Variants in ARPP21 observed in about 807,000 individuals in gnomAD.
ARPP21 encodes the protein cAMP regulated phosphoprotein 21.
ARPP21 carries 69 observed loss-of-function variants against 113.2 expected under a neutral mutation model. That is an observed-to-expected ratio of 0.61 (90% CI 0.50 to 0.74). The LOEUF is 0.74. Ranked by LOEUF, ARPP21 falls within the 30% of genes least tolerant of loss-of-function variation. ARPP21 has a pLI of 0.00. For synonymous variants in ARPP21, 368 were observed against 375.5 expected, an observed-to-expected ratio of 0.98 and a Z score of 0.23; for missense variants, 1,070 against 1,037.4, an observed-to-expected ratio of 1.03 and a Z score of -0.43.
intron 1 of ARPP21, among the ~76,000 whole-genome samples, chr3:35,662,267 G>A (rs2149166970): frequency 6.6e-6 from 1 of 152,248 alleles, no homozygotes; most frequent in Non-Finnish European, 1.5e-5. Flanking sequence ...TGCAAGATTT[G>A]GAGCAGTGAT....
chr3:35,788,805 A>G (rs1329360171), intron 19 of ARPP21, among the ~76,000 whole-genome samples: 1 of 152,220 alleles, frequency 6.6e-6, no homozygotes, highest in Admixed American at 6.5e-5. Context: ...AATGCCCTCA[A>G]ACTACAAATA....
At chr3:35,707,338 G>A (rs9863584) in intron 10 of ARPP21, 14 of 622,002 alleles carry the variant, frequency 2.3e-5, no homozygotes, top group African/African-American at 3.6e-5. Context: ...CGCAGTTTCC[G>A]CTGCATGTCT....
At position 35,770,641 on chromosome 3, in the gene ARPP21, C is replaced by A. The variant is rs567097755; in HGVS notation, c.2138-21741C>A. 9.2e-5 allele frequency among the ~76,000 whole-genome samples: 14 copies of A among 152,298 alleles called. No homozygotes were observed. The South Asian group carries it at 2.9e-3, about 32-fold the overall frequency. Reference sequence around the variant, plus strand: ...TCATTGGTGGGCAGTGATTTTCCCACCTTGTGTGGATTTCACAATTGCTGA... The same window carrying A: ...TCATTGGTGGGCAGTGATTTTCCCAACTTGTGTGGATTTCACAATTGCTGA... On this transcript the variant is annotated intron_variant, in intron 19 of 20. Coordinates refer to ENST00000684406, the MANE Select transcript of ARPP21 (RefSeq NM_001385562.1).
chr3:35,675,240 T>C (rs2077196183), intron 1 of ARPP21, among the ~76,000 whole-genome samples: 1 of 151,412 alleles, frequency 6.6e-6, no homozygotes, highest in Non-Finnish European at 1.5e-5. Context: ...TAGAATGATG[T>C]TGGAAATGTA....
At chr3:35,664,761 C>T (rs1709448530) in intron 1 of ARPP21, among the ~76,000 whole-genome samples, 1 of 152,130 alleles carries the variant, frequency 6.6e-6, no homozygotes, top group Non-Finnish European at 1.5e-5. Flanking sequence ...CTGGTAAGTG[C>T]CTGGAGGAGG....
chr3:35,682,113 G>T (rs2079085070), intron 3 of ARPP21, among the ~76,000 whole-genome samples: 1 of 151,788 alleles, frequency 6.6e-6, no homozygotes, highest in Non-Finnish European at 1.5e-5. Context: ...TTCTGAATTT[G>T]CACACAGCAT....
At chr3:35,683,554 G>GT (rs1366551057) in intron 4 of ARPP21, among the ~76,000 whole-genome samples, 172 bp from the exon 5 acceptor site, 1 of 151,614 alleles carries the variant, frequency 6.6e-6, no homozygotes, top group East Asian at 2.0e-4. Flanking sequence ...CAATACAGAG[G>GT]TATGATGCTT....
chr3:35,725,196 C>G (rs1559753738), intron 14 of ARPP21, among the ~76,000 whole-genome samples: 1 of 152,112 alleles, frequency 6.6e-6, no homozygotes, highest in Non-Finnish European at 1.5e-5. Flanking sequence ...AGTTAGGCTC[C>G]TATCCTCCCA....
At chr3:35,703,383 C>T (rs759322660) in intron 9 of ARPP21, among the ~76,000 whole-genome samples, 33 of 151,818 alleles carry the variant, frequency 2.2e-4, no homozygotes, top group Non-Finnish European at 3.8e-4. Flanking sequence ...AGTGAAGGAA[C>T]AATGAAGAAT....
chr3:35,682,879 G>T lies in ARPP21; in HGVS notation c.161G>T (p.Arg54Ile), dbSNP rs1328252872. The change falls in exon 4 of 21, where the codon AGA (arginine) becomes ATA (isoleucine). Residue 54 changes from arginine (R) to isoleucine (I), a missense_variant. Coordinates refer to ENST00000684406, the MANE Select transcript of ARPP21 (RefSeq NM_001385562.1). ...RRLEAQNQER[R>I]KSKSGAGKGK... is the part of the protein sequence containing the mutation. The stretch of plus-strand genomic sequence containing the variant: ...CTGGAGGCTCAGAATCAAGAAAGAA[G>T]AAAATCCAAGGTAGGGTTCTTAACA... 1 of 1,608,754 alleles carries T rather than the reference G, an allele frequency of 6.2e-7. No individual in the cohort carries two copies. Among genetic ancestry groups the T allele is most frequent in the African/African-American group, 1.3e-5 (1 of 74,500 alleles).
Position 35,689,413 on chromosome 3 carries a change from T to C in ARPP21, c.485+28T>C, listed in dbSNP as rs760999276. On this transcript the variant is annotated intron_variant, in intron 7 of 20. Coordinates refer to ENST00000684406, the MANE Select transcript of ARPP21 (RefSeq NM_001385562.1). ...AAATTATTAAATGAGCCTCTTATTT[T>C]TAGAAGGATCAAATAGAATATTACA... The C allele has an allele frequency of 5.6e-6, 6 of 1,076,506 alleles. No individual in the cohort carries two copies. In the South Asian group the frequency reaches 7.5e-5, roughly 13 times the overall value. 66.7% of individuals were successfully genotyped at this position (1,076,506 alleles called of 1,614,324 possible).
chr3:35,678,555 C>CA (rs1206112932), intron 1 of ARPP21, among the ~76,000 whole-genome samples: 1 of 151,796 alleles, frequency 6.6e-6, no homozygotes, highest in African/African-American at 2.4e-5. Flanking sequence ...ATATAATTTC[C>CA]AAAAATGGAA....
Position 35,762,124 on chromosome 3 carries a change from T to A in ARPP21, c.2137+18159T>A, listed in dbSNP as rs868600939. ...CTCTCTCTCTCTCTCTCTCTCTCTC[T>A]CTCACACACACACACACACACACAC... On this transcript the variant is annotated intron_variant, in intron 19 of 20. Coordinates refer to ENST00000684406, the MANE Select transcript of ARPP21 (RefSeq NM_001385562.1). Among the ~76,000 whole-genome samples, 471 of 141,218 alleles carry A rather than the reference T, an allele frequency of 3.3e-3. 2 individuals carry two copies. Among genetic ancestry groups the A allele is most frequent in the South Asian group, 6.5e-3 (29 of 4,444 alleles). The allele number at this position is 141,218 out of a possible 152,430, so 92.6% of individuals were successfully genotyped here. A position where few individuals can be genotyped will look rare whatever the true frequency, so the allele number is the denominator to read the frequency against.
chr3:35,673,539 T>C (rs2076833418), intron 1 of ARPP21, among the ~76,000 whole-genome samples: 1 of 152,008 alleles, frequency 6.6e-6, no homozygotes, highest in African/African-American at 2.4e-5. Flanking sequence ...TCATTTATGG[T>C]AGCAAATACA....
At chr3:35,641,374 T>G (rs752469999) in intron 1 of ARPP21, 3 of 152,234 alleles carry the variant, frequency 2.0e-5, no homozygotes, top group African/African-American at 4.8e-5. Flanking sequence ...CTGCTATGAT[T>G]GTTTTAAGTA....
chr3:35,767,008 T>G (rs1001500722), intron 19 of ARPP21, among the ~76,000 whole-genome samples: 7 of 152,174 alleles, frequency 4.6e-5, no homozygotes, highest in African/African-American at 1.7e-4. Flanking sequence ...GGGTTAAACT[T>G]CATTTAGCTC....
intron 6 of ARPP21, among the ~76,000 whole-genome samples, chr3:35,689,047 C>G (rs1378232888): frequency 4.6e-5 from 7 of 151,534 alleles, no homozygotes; most frequent in African/African-American, 1.7e-4. Context: ...CTCCCCCACA[C>G]CCAGACTGTG....
intron 13 of ARPP21, among the ~76,000 whole-genome samples, chr3:35,717,978 C>T (rs1214072354): frequency 6.6e-6 from 1 of 152,102 alleles, no homozygotes; most frequent in Non-Finnish European, 1.5e-5. Flanking sequence ...GTATATCTGA[C>T]ATCCATTGTA....
chr3:35,726,360 G>A (rs2093537232), intron 14 of ARPP21, among the ~76,000 whole-genome samples: 1 of 152,308 alleles, frequency 6.6e-6, no homozygotes, highest in African/African-American at 2.4e-5. Context: ...GGCTCTCCCT[G>A]GCCTTGGTGA....
Sources: gnomAD v4.1 joint callset for allele counts (sites outside exome capture counted in the v4.1 genomes callset) on GRCh38, gnomAD v4.1.1 for gene constraint, MANE v1.5 for transcripts, NCBI Gene and HGNC (gene_info 2026-07-23, HGNC 2026-07-21) for gene names.